The following GABRG3 variants were observed in gnomAD, a reference collection of about 807,000 sequenced individuals.
GABRG3 encodes gamma-aminobutyric acid receptor subunit gamma-3.
GABRG3 carries 25 observed loss-of-function variants against 48.8 expected under a neutral mutation model. The ratio of observed to expected loss-of-function variants is 0.51; its 90% CI spans 0.37 to 0.72. GABRG3 has a LOEUF of 0.72. Among genes scored for constraint, GABRG3 ranks in the 30% least tolerant of loss-of-function variants. The pLI is 0.00. For missense variants in GABRG3, 394 were observed against 577.9 expected, an observed-to-expected ratio of 0.68 and a Z score of 3.26; for synonymous variants, 227 against 217.6, an observed-to-expected ratio of 1.04 and a Z score of -0.38.
intron 5 of GABRG3, among the ~76,000 whole-genome samples, chr15:27,347,333 T>G (rs1894408569): frequency 6.6e-6 from 1 of 152,212 alleles, no homozygotes; most frequent in African/African-American, 2.4e-5. Flanking sequence ...CACTCTGATC[T>G]TTAAGTGGAG....
chr15:27,479,933 G>A (rs779439696), intron 5 of GABRG3, among the ~76,000 whole-genome samples: 23 of 152,226 alleles, frequency 1.5e-4, no homozygotes, highest in Non-Finnish European at 2.5e-4. Flanking sequence ...ACAGTTGCAG[G>A]TAGAAAAGCA....
chr15:27,080,240 A>C (rs965739221), intron 3 of GABRG3, among the ~76,000 whole-genome samples: 16 of 152,142 alleles, frequency 1.1e-4, no homozygotes, highest in African/African-American at 3.9e-4. Context: ...ACTTGAACCC[A>C]AGAGTTCAAG....
chr15:27,195,398 C>T (rs1357086544), intron 3 of GABRG3, among the ~76,000 whole-genome samples: 2 of 152,180 alleles, frequency 1.3e-5, no homozygotes, highest in Non-Finnish European at 2.9e-5. Flanking sequence ...GTGGTGCAGT[C>T]TCAGCTCACT....
At chr15:27,004,601 G>C (rs1330374509) in intron 2 of GABRG3, among the ~76,000 whole-genome samples, 3 of 152,202 alleles carry the variant, frequency 2.0e-5, no homozygotes, top group African/African-American at 7.2e-5. Context: ...GCAGGCGGCT[G>C]GGAGGTGGAG....
intron 3 of GABRG3, among the ~76,000 whole-genome samples, chr15:27,183,103 C>T (rs1887984125): frequency 6.6e-6 from 1 of 152,008 alleles, no homozygotes; most frequent in South Asian, 2.1e-4. Flanking sequence ...TATTATTTTA[C>T]AGATGACTTT....
At chr15:27,241,197 T>C (rs1210470638) in intron 3 of GABRG3, among the ~76,000 whole-genome samples, 1 of 152,222 alleles carries the variant, frequency 6.6e-6, no homozygotes, top group African/African-American at 2.4e-5. Flanking sequence ...GATTTTCACA[T>C]ACTATATGGT....
intron 5 of GABRG3, among the ~76,000 whole-genome samples, chr15:27,346,029 A>G (rs954444122): frequency 1.8e-4 from 27 of 147,954 alleles, no homozygotes; most frequent in African/African-American, 6.5e-4. Flanking sequence ...ACTTCAGCCT[A>G]GGTGACAGAG....
intron 2 of GABRG3, among the ~76,000 whole-genome samples, chr15:26,987,029 G>A (rs928849240): frequency 2.5e-4 from 38 of 152,346 alleles, no homozygotes; most frequent in Admixed American, 2.5e-3. Context: ...AGGCCAAGGT[G>A]GGCGGATCAC....
intron 2 of GABRG3, among the ~76,000 whole-genome samples, chr15:26,983,383 C>G (rs553372209): frequency 5.9e-5 from 9 of 152,132 alleles, no homozygotes; most frequent in Non-Finnish European, 1.3e-4. Flanking sequence ...TGGCGAGAGA[C>G]AAAGAAGGGG....
intron 5 of GABRG3, among the ~76,000 whole-genome samples, chr15:27,469,643 A>G (rs1423006170): frequency 6.6e-6 from 1 of 152,092 alleles, no homozygotes; most frequent in East Asian, 1.9e-4. Context: ...GCCTGGCCTC[A>G]AGTCTCTTTT....
intron 2 of GABRG3, among the ~76,000 whole-genome samples, chr15:27,002,232 C>A (rs993042574): frequency 1.3e-5 from 2 of 152,192 alleles, no homozygotes; most frequent in African/African-American, 2.4e-5. Context: ...AACTCGCACT[C>A]GAAGGACACA....
intron 3 of GABRG3, among the ~76,000 whole-genome samples, chr15:27,218,340 A>C (rs1889335275): frequency 1.3e-5 from 2 of 152,150 alleles, no homozygotes; most frequent in Non-Finnish European, 2.9e-5. Context: ...AACTCCCTTA[A>C]GAGGGGTTTT....
intron 5 of GABRG3, among the ~76,000 whole-genome samples, chr15:27,397,070 A>G (rs192852192): frequency 2.6e-5 from 4 of 152,234 alleles, no homozygotes; most frequent in Admixed American, 2.6e-4. Context: ...AAAAAAATAC[A>G]TTTTTACGGT....
chr15:27,445,999 T>C (rs1595759539), intron 5 of GABRG3, among the ~76,000 whole-genome samples: 1 of 152,202 alleles, frequency 6.6e-6, no homozygotes, highest in African/African-American at 2.4e-5. Context: ...ATTTTGTTGA[T>C]CTATATTTCT....
chr15:27,425,170 G>A (rs982579173), intron 5 of GABRG3, among the ~76,000 whole-genome samples: 3 of 152,196 alleles, frequency 2.0e-5, no homozygotes, highest in African/African-American at 7.2e-5. Context: ...CCCCTGGCTT[G>A]TTGACTGCTG....
At chr15:27,286,381 C>T (rs562951831) in intron 3 of GABRG3, among the ~76,000 whole-genome samples, 83 of 152,346 alleles carry the variant, frequency 5.4e-4, no homozygotes, top group African/African-American at 1.9e-3. Flanking sequence ...GTCTCTTCCA[C>T]TTTCCACTTG....
At chr15:27,480,601 A>T (rs760147809) in intron 5 of GABRG3, 49 bp from the exon 6 acceptor site, 38 of 1,479,466 alleles carry the variant, frequency 2.6e-5, no homozygotes, top group Non-Finnish European at 3.4e-5. Flanking sequence ...CACTTTAATG[A>T]TTTATAAATG....
At chr15:27,259,764 A>G (rs1890719015) in intron 3 of GABRG3, among the ~76,000 whole-genome samples, 1 of 152,178 alleles carries the variant, frequency 6.6e-6, no homozygotes, top group Non-Finnish European at 1.5e-5. Flanking sequence ...CTTCATTTAC[A>G]ATGGAGACAA....
intron 3 of GABRG3, among the ~76,000 whole-genome samples, chr15:27,228,352 G>A (rs1889690142): frequency 6.6e-6 from 1 of 152,144 alleles, no homozygotes; most frequent in Non-Finnish European, 1.5e-5. Context: ...TGCTAAGAGT[G>A]GTAGCCTCCA....
Sources: allele counts gnomAD v4.1 joint callset (sites outside exome capture counted in the v4.1 genomes callset), GRCh38; gene constraint gnomAD v4.1.1; transcripts MANE v1.5; gene names NCBI Gene and HGNC (gene_info 2026-07-23, HGNC 2026-07-21).